DYNC2LI1: variants seen among roughly 807,000 people sequenced by gnomAD.
DYNC2LI1 encodes dynein cytoplasmic 2 light intermediate chain 1.
In DYNC2LI1, 45 loss-of-function variants were observed where a neutral mutation model predicts 51.9. The observed-to-expected ratio is 0.87, with a 90% CI of 0.68 to 1.11. DYNC2LI1 has a LOEUF of 1.11. DYNC2LI1 is among the 50% of genes most tolerant of loss of function. The probability of loss-of-function intolerance (pLI) is 0.00; values close to 1 mark genes in which losing one functional copy is unlikely to be tolerated. For synonymous variants in DYNC2LI1, 130 were observed against 137.8 expected, an observed-to-expected ratio of 0.94 and a Z score of 0.40; for missense variants, 490 against 417.4, an observed-to-expected ratio of 1.17 and a Z score of -1.51.
the DYNC2LI1 span, chr2:43,824,192 C>G: frequency 6.2e-7 from 1 of 1,614,000 alleles, no homozygotes; most frequent in East Asian, 2.2e-5. Context: ...CTCTAACAGG[C>G]ATTTCTCACA....
the DYNC2LI1 span, chr2:43,822,518 C>G: frequency 1.0e-6 from 1 of 981,610 alleles, no homozygotes. Flanking sequence ...CTTCAGAGTC[C>G]TCTCTTCTCT....
chr2:43,775,099 A>T, intron 1 of DYNC2LI1, among the ~76,000 whole-genome samples: 1 of 152,224 alleles, frequency 6.6e-6, no homozygotes. Flanking sequence ...CCTAAACTAC[A>T]TATATATTTT....
chr2:43,824,534 C>T, the DYNC2LI1 span: 9 of 1,591,996 alleles, frequency 5.7e-6, no homozygotes, highest in African/African-American at 8.1e-5. Flanking sequence ...TACCTCATCC[C>T]ATCAAGATAA....
Position 43,778,944 on chromosome 2 carries a change from G to A in DYNC2LI1, c.126+2045G>A, listed in dbSNP as rs149747077. Among the ~76,000 whole-genome samples, 476 of 152,160 alleles carry A rather than the reference G, an allele frequency of 3.1e-3. 1 individual carries two copies. The highest frequency in any genetic ancestry group is 0.015 in the South Asian group (70 of 4,818). ...CTCCCTTGATATCTAAAACTTTTGA[G>A]GGTATTATTCTTTAAAAAGTCTGTG... On this transcript the variant is annotated intron_variant, in intron 2 of 12. Transcript: ENST00000260605.
At chr2:43,822,981 T>G in the DYNC2LI1 span, 2 of 1,608,950 alleles carry the variant, frequency 1.2e-6, no homozygotes, top group South Asian at 2.2e-5. Context: ...ACCACCCAGC[T>G]GAAAAAGGGA....
At chr2:43,813,782 A>G (rs529678534), downstream of DYNC2LI1, among the ~76,000 whole-genome samples, 1 of 126,418 alleles carries the variant, frequency 7.9e-6, no homozygotes, top group African/African-American at 3.1e-5. Flanking sequence ...CAGTGGCTCG[A>G]TCTGGGCTCA....
At chr2:43,799,419 C>A (rs1666000792) in intron 8 of DYNC2LI1, among the ~76,000 whole-genome samples, 1 of 152,018 alleles carries the variant, frequency 6.6e-6, no homozygotes, top group Non-Finnish European at 1.5e-5. Context: ...TATATGAGGA[C>A]CAGGAGAATA....
intron 4 of DYNC2LI1, among the ~76,000 whole-genome samples, chr2:43,789,041 C>G (rs913321405): frequency 1.3e-5 from 2 of 152,184 alleles, no homozygotes; most frequent in Non-Finnish European, 2.9e-5. Context: ...CTTGTTCCCC[C>G]ACCTACCGTG....
At chr2:43,775,135 T>A (rs1330771333) in intron 1 of DYNC2LI1, among the ~76,000 whole-genome samples, 2 of 152,364 alleles carry the variant, frequency 1.3e-5, no homozygotes, top group East Asian at 1.9e-4. Flanking sequence ...CCTATAAAGC[T>A]GATACTCTTT....
At chr2:43,819,777 C>A in the DYNC2LI1 span, 2 of 898,990 alleles carry the variant, frequency 2.2e-6, no homozygotes, top group Non-Finnish European at 1.8e-6. Flanking sequence ...GATTAACGAG[C>A]AGTATAAATG....
At chr2:43,815,093 T>C in the DYNC2LI1 span, among the ~76,000 whole-genome samples, 11 of 152,160 alleles carry the variant, frequency 7.2e-5, no homozygotes, top group Non-Finnish European at 1.6e-4. Context: ...AGGAGGAGAT[T>C]TGTGATTAAA....
chr2:43,792,791 C>T (rs10199777), intron 5 of DYNC2LI1: 148,060 of 1,532,812 alleles, frequency 0.097, 11,261 homozygotes, highest in African/African-American at 0.34. Flanking sequence ...TTTAGCATAA[C>T]GTCTTCAGGG....
chr2:43,791,857 T>G (rs1673810030), intron 5 of DYNC2LI1, among the ~76,000 whole-genome samples: 1 of 152,248 alleles, frequency 6.6e-6, no homozygotes, highest in Non-Finnish European at 1.5e-5. Flanking sequence ...ATCTCTGTTT[T>G]AGGAGTTTAT....
the DYNC2LI1 span, chr2:43,828,191 T>A: frequency 6.2e-7 from 1 of 1,604,980 alleles, no homozygotes; most frequent in Non-Finnish European, 8.5e-7. Flanking sequence ...GGGGAGGACA[T>A]GAAAGAGGCA....
intron 5 of DYNC2LI1, chr2:43,792,955 A>G (rs1673859549): frequency 4.3e-6 from 3 of 696,706 alleles, no homozygotes; most frequent in East Asian, 3.2e-5. Context: ...TAATGCTGGT[A>G]TGAACATTGG....
chr2:43,788,674 C>T (rs961769905), intron 4 of DYNC2LI1, among the ~76,000 whole-genome samples: 1 of 152,150 alleles, frequency 6.6e-6, no homozygotes, highest in Non-Finnish European at 1.5e-5. Context: ...GGCTGGAGTA[C>T]AGTGGCAGGA....
chr2:43,828,006 G>A, the DYNC2LI1 span: 1 of 1,614,136 alleles, frequency 6.2e-7, no homozygotes. Flanking sequence ...CAGCTGGGCT[G>A]CGATGGAGAC....
chr2:43,824,389 T>C, the DYNC2LI1 span: 4 of 1,614,224 alleles, frequency 2.5e-6, 1 homozygote, highest in East Asian at 8.9e-5. Context: ...TGGAGGTTTC[T>C]ATTTCCCGTT....
intron 4 of DYNC2LI1, 152 bp downstream of exon 4, chr2:43,787,402 G>A: frequency 1.6e-6 from 1 of 616,128 alleles, no homozygotes. Context: ...AATGCAGTGT[G>A]GCAGATAGAA....
Sources: gnomAD v4.1 joint callset for allele counts (sites outside exome capture counted in the v4.1 genomes callset) on GRCh38, gnomAD v4.1.1 for gene constraint, MANE v1.5 for transcripts, NCBI Gene and HGNC (gene_info 2026-07-23, HGNC 2026-07-21) for gene names.